Variants in CCDC30 observed in about 807,000 individuals in gnomAD.
The protein encoded by CCDC30 is coiled-coil domain containing 30, also known as coiled-coil domain-containing protein 30.
Under a neutral mutation model 100.2 loss-of-function variants are expected in CCDC30, and 70 were observed. That is an observed-to-expected ratio of 0.70 (90% CI 0.58 to 0.85). The LOEUF (loss-of-function observed/expected upper bound fraction) is 0.85. Ranked by LOEUF, CCDC30 falls within the 40% of genes least tolerant of loss-of-function variation. The pLI is 0.00. For synonymous variants in CCDC30, 233 were observed against 269.5 expected (o/e 0.86, Z 1.33); for missense variants, 652 against 771.2 (o/e 0.85, Z 1.83).
At chr1:42,522,928 T>C (rs766110298) in intron 6 of CCDC30, among the ~76,000 whole-genome samples, 65 of 151,990 alleles carry the variant, frequency 4.3e-4, no homozygotes, top group Non-Finnish European at 7.5e-4. Flanking sequence ...CAGGCTGGAG[T>C]GTGTGATTTT....
intron 11 of CCDC30, among the ~76,000 whole-genome samples, chr1:42,632,738 C>T (rs1647063816): frequency 6.9e-6 from 1 of 144,050 alleles, no homozygotes; most frequent in Non-Finnish European, 1.5e-5. Context: ...CTAGCATGGG[C>T]AACAAGAGCA....
chr1:42,584,212 G>C (rs906814405), intron 9 of CCDC30, among the ~76,000 whole-genome samples: 1 of 152,092 alleles, frequency 6.6e-6, no homozygotes, highest in African/African-American at 2.4e-5. Flanking sequence ...TTACACAGAA[G>C]GAATTCTGGG....
At chr1:42,474,480 A>C (rs1462073047) in intron 1 of CCDC30, among the ~76,000 whole-genome samples, 1 of 152,202 alleles carries the variant, frequency 6.6e-6, no homozygotes, top group South Asian at 2.1e-4. Flanking sequence ...AGGAAACGAA[A>C]GTTTGCCAGG....
rs145936391 is a variant in CCDC30, at chr1:42,615,361, G to A, written c.1277+4271G>A. 1.3e-3 allele frequency among the ~76,000 whole-genome samples: 191 copies of A among 152,066 alleles called. 1 individual carries two copies. Among genetic ancestry groups the A allele is most frequent in the African/African-American group, 4.5e-3 (186 of 41,478 alleles). On this transcript the variant is annotated intron_variant, in intron 11 of 16. Coordinates refer to ENST00000668663, the Ensembl canonical transcript of CCDC30. ...CCCAGACTCTGGAGTGCAGTGGCCT[G>A]ATCTTGGCTCACCGCAACCTCTACC...
chr1:42,627,688 C>T (rs1229802779), intron 11 of CCDC30, among the ~76,000 whole-genome samples: 2 of 152,178 alleles, frequency 1.3e-5, no homozygotes, highest in Non-Finnish European at 2.9e-5. Context: ...CAACTTAGCA[C>T]TTGGGCTGTG....
the CCDC30 span, chr1:42,456,600 A>T: frequency 6.6e-7 from 1 of 1,512,320 alleles, no homozygotes; most frequent in Non-Finnish European, 8.8e-7. Context: ...GAGTTCCCCC[A>T]GCCTCCCGGT....
intron 9 of CCDC30, among the ~76,000 whole-genome samples, chr1:42,584,699 G>A (rs1382740383): frequency 6.6e-6 from 1 of 152,202 alleles, no homozygotes; most frequent in Admixed American, 6.5e-5. Flanking sequence ...GTAAGATGAA[G>A]AAAGTTCATT....
At chr1:42,543,163 C>A (rs918131873) in intron 6 of CCDC30, among the ~76,000 whole-genome samples, 1 of 151,734 alleles carries the variant, frequency 6.6e-6, no homozygotes, top group African/African-American at 2.4e-5. Context: ...TTAGTAGAGA[C>A]GGGATTTCAC....
At chr1:42,625,310 C>A (rs1646911449) in intron 11 of CCDC30, among the ~76,000 whole-genome samples, 1 of 145,358 alleles carries the variant, frequency 6.9e-6, no homozygotes, top group Non-Finnish European at 1.6e-5. Flanking sequence ...TTTAACTTTT[C>A]AAAAAAACAA....
intron 15 of CCDC30, among the ~76,000 whole-genome samples, chr1:42,651,939 C>T (rs1648386901): frequency 6.6e-6 from 1 of 151,698 alleles, no homozygotes; most frequent in African/African-American, 2.4e-5. Context: ...ACCTTGTACA[C>T]TGTTGTTTGG....
At chr1:42,493,876 A>T in intron 4 of CCDC30, among the ~76,000 whole-genome samples, 1 of 152,186 alleles carries the variant, frequency 6.6e-6, no homozygotes. Flanking sequence ...AGCTAAGAAG[A>T]AATAGCTCTA....
intron 11 of CCDC30, among the ~76,000 whole-genome samples, chr1:42,618,827 T>C (rs1392959410): frequency 6.6e-6 from 1 of 152,190 alleles, no homozygotes; most frequent in African/African-American, 2.4e-5. Flanking sequence ...TATCCACATA[T>C]CAGGCAGTAA....
intron 6 of CCDC30, among the ~76,000 whole-genome samples, chr1:42,512,913 C>T (rs562258808): frequency 2.9e-4 from 44 of 152,262 alleles, no homozygotes; most frequent in East Asian, 1.2e-3. Flanking sequence ...CTGGCAGCCA[C>T]GCTAACCGTG....
chr1:42,573,068 G>T (rs1269312902), intron 7 of CCDC30, among the ~76,000 whole-genome samples: 1 of 152,006 alleles, frequency 6.6e-6, no homozygotes, highest in East Asian at 1.9e-4. Flanking sequence ...TCTTTTCTGG[G>T]ATATCTGGGC....
intron 6 of CCDC30, among the ~76,000 whole-genome samples, chr1:42,514,473 A>G (rs1198910788): frequency 6.6e-6 from 1 of 152,062 alleles, no homozygotes; most frequent in Non-Finnish European, 1.5e-5. Flanking sequence ...TTTGATTTAT[A>G]TTTCCTGAAT....
At chr1:42,505,905 A>G (rs1352889293) in intron 6 of CCDC30, among the ~76,000 whole-genome samples, 2 of 152,242 alleles carry the variant, frequency 1.3e-5, no homozygotes, top group African/African-American at 4.8e-5. Context: ...TGATTCCTTT[A>G]GAAGAAATAC....
At chr1:42,511,538 G>A (rs551658197) in intron 6 of CCDC30, among the ~76,000 whole-genome samples, 34 of 152,112 alleles carry the variant, frequency 2.2e-4, no homozygotes, top group Non-Finnish European at 3.1e-4. Context: ...TTAAAAGAAC[G>A]TAGGGACCAA....
rs1645369741 is a variant in CCDC30, at chr1:42,556,354, C to T, written c.457-9942C>T. ...AAGAGCTGAGCCATATAAATCAGAG[C>T]CTTCTTCAGTCTCAGAGCTCTGGGG... On this transcript the variant is annotated intron_variant, in intron 6 of 16. Coordinates refer to ENST00000668663, the Ensembl canonical transcript of CCDC30. 4 of 1,614,028 alleles carry T rather than the reference C, an allele frequency of 2.5e-6. No homozygotes were observed. In the East Asian group the frequency reaches 8.9e-5, roughly 36 times the overall value.
Position 42,531,265 on chromosome 1 carries a change from C to T in CCDC30, c.456+32349C>T, listed in dbSNP as rs373513576. On this transcript the variant is annotated intron_variant, in intron 6 of 16. Coordinates refer to ENST00000668663, the Ensembl canonical transcript of CCDC30. ...TTCCCTTTTTTGCCATGATTGTAAG[C>T]TTCCTGAGGCCTCCCCAGCCATGCT... 1.4e-4 allele frequency among the ~76,000 whole-genome samples: 22 copies of T among 152,302 alleles called. No homozygotes were observed. The East Asian group carries it at 4.1e-3, about 28-fold the overall frequency.
Sources: allele counts gnomAD v4.1 joint callset (sites outside exome capture counted in the v4.1 genomes callset), GRCh38; gene constraint gnomAD v4.1.1; transcripts MANE v1.5; gene names NCBI Gene and HGNC (gene_info 2026-07-23, HGNC 2026-07-21).